Variants in ABCB5 observed in about 807,000 individuals in gnomAD.
ABCB5 encodes the protein ATP binding cassette subfamily B member 5, also known as ATP-binding cassette sub-family B member 5.
ABCB5 carries 155 observed loss-of-function variants against 144.2 expected under a neutral mutation model. That is an observed-to-expected ratio of 1.08 (90% CI 0.94 to 1.23). ABCB5 has a LOEUF of 1.23. Ranked by LOEUF, ABCB5 falls within the 50% of genes most tolerant of loss-of-function variation. ABCB5 has a pLI of 0.00. For missense variants in ABCB5, 1,830 were observed against 1,520.8 expected, an observed-to-expected ratio of 1.20 and a Z score of -3.38; for synonymous variants, 610 against 528.6, an observed-to-expected ratio of 1.15 and a Z score of -2.11.
intron 16 of ABCB5, among the ~76,000 whole-genome samples, chr7:20,690,308 T>C (rs12700229): frequency 0.62 from 94,974 of 152,102 alleles, 30,319 homozygotes; most frequent in South Asian, 0.74. Flanking sequence ...TCATCATTAT[T>C]ATATCTTATG....
chr7:20,620,592 T>C (rs1783787960), intron 1 of ABCB5, among the ~76,000 whole-genome samples: 2 of 151,560 alleles, frequency 1.3e-5, no homozygotes, highest in East Asian at 3.8e-4. Context: ...CAGATTTGAA[T>C]AGACATTTCT....
intron 5 of ABCB5, among the ~76,000 whole-genome samples, chr7:20,637,381 A>G (rs187175453): frequency 6.6e-5 from 10 of 151,912 alleles, no homozygotes; most frequent in Admixed American, 6.6e-4. Flanking sequence ...GCTGGTCAAT[A>G]TGATGCCTCC....
At chr7:20,718,625 G>A (rs1562577351) in intron 20 of ABCB5, among the ~76,000 whole-genome samples, 1 of 152,122 alleles carries the variant, frequency 6.6e-6, no homozygotes, top group Non-Finnish European at 1.5e-5. Context: ...GGGGAGGGAG[G>A]ATTTGTTATG....
chr7:20,656,767 A>G (rs1022350029), intron 13 of ABCB5, among the ~76,000 whole-genome samples: 2 of 152,198 alleles, frequency 1.3e-5, no homozygotes, highest in Non-Finnish European at 2.9e-5. Flanking sequence ...TTCAAAATAA[A>G]TGAAAACATG....
intron 14 of ABCB5, among the ~76,000 whole-genome samples, chr7:20,662,232 T>G (rs991439784): frequency 2.0e-5 from 3 of 152,214 alleles, no homozygotes; most frequent in African/African-American, 7.2e-5. Flanking sequence ...ACAATATTAT[T>G]CTTTGAAAAC....
chr7:20,717,215 G>A (rs901318570), intron 20 of ABCB5, among the ~76,000 whole-genome samples: 2 of 152,160 alleles, frequency 1.3e-5, no homozygotes, highest in Non-Finnish European at 2.9e-5. Context: ...AGCAAGGACA[G>A]TGTGTTAGTC....
intron 20 of ABCB5, among the ~76,000 whole-genome samples, chr7:20,720,627 A>C (rs1781829010): frequency 2.6e-5 from 4 of 152,188 alleles, no homozygotes; most frequent in African/African-American, 9.7e-5. Context: ...GATCTTCAAA[A>C]AAGTCAAGGT....
Position 20,739,147 on chromosome 7 carries a change from C to G in ABCB5, c.3024+8C>G, listed in dbSNP as rs1172665874. Reference sequence around the variant, plus strand: ...CAAGAAGGGAAAAAGCCAGTAAGCACAACTGTGATCTTAAATGTCCAAATA... The same window carrying G: ...CAAGAAGGGAAAAAGCCAGTAAGCAGAACTGTGATCTTAAATGTCCAAATA... On this transcript the variant is annotated splice_region_variant and intron_variant, in intron 24 of 27. Transcript: ENST00000404938. The G allele has an allele frequency of 1.3e-6, 2 of 1,581,774 alleles. No individual in the cohort carries two copies. The highest frequency in any genetic ancestry group is 1.1e-5 in the South Asian group (1 of 87,024).
At chr7:20,725,658 A>C (rs1299888147) in intron 21 of ABCB5, among the ~76,000 whole-genome samples, 1 of 152,144 alleles carries the variant, frequency 6.6e-6, no homozygotes, top group Non-Finnish European at 1.5e-5. Flanking sequence ...AATAATATTC[A>C]TCCCTTCTCC....
chr7:20,639,660 G>A (rs1276892378), intron 5 of ABCB5, among the ~76,000 whole-genome samples: 2 of 152,178 alleles, frequency 1.3e-5, no homozygotes, highest in African/African-American at 4.8e-5. Flanking sequence ...GCCAATAAAT[G>A]TAGGAGTCCG....
At chr7:20,737,908 C>A (rs1265873664) in intron 23 of ABCB5, among the ~76,000 whole-genome samples, 2 of 152,200 alleles carry the variant, frequency 1.3e-5, no homozygotes, top group East Asian at 3.9e-4. Flanking sequence ...AACTAAATAA[C>A]AATTATTTTA....
intron 22 of ABCB5, among the ~76,000 whole-genome samples, chr7:20,727,994 C>T (rs550790989): frequency 6.6e-6 from 1 of 152,158 alleles, no homozygotes; most frequent in African/African-American, 2.4e-5. Flanking sequence ...CTTCTAAATA[C>T]CTAAACCAAA....
chr7:20,653,804 G>T (rs1784680188), intron 13 of ABCB5, among the ~76,000 whole-genome samples: 1 of 152,230 alleles, frequency 6.6e-6, no homozygotes, highest in Non-Finnish European at 1.5e-5. Context: ...GCTCACCAGA[G>T]AGTGGCAGCC....
chr7:20,645,016 T>C (rs1481084722), intron 7 of ABCB5, among the ~76,000 whole-genome samples: 1 of 151,908 alleles, frequency 6.6e-6, no homozygotes, highest in Non-Finnish European at 1.5e-5. Flanking sequence ...AAATGAGGAG[T>C]TGTAAAGGAA....
intron 1 of ABCB5, among the ~76,000 whole-genome samples, chr7:20,616,328 G>A (rs117519129): frequency 1.3e-5 from 2 of 152,054 alleles, no homozygotes; most frequent in Non-Finnish European, 2.9e-5. Flanking sequence ...GAGCCACTGC[G>A]CCCAGCCATA....
intron 1 of ABCB5, among the ~76,000 whole-genome samples, chr7:20,622,538 T>G (rs190964835): frequency 4.2e-4 from 64 of 152,250 alleles, no homozygotes; most frequent in African/African-American, 1.4e-3. Context: ...CTTTAAAGTT[T>G]AAAGCCATAT....
chr7:20,648,239 G>A (rs1309942603), intron 11 of ABCB5, among the ~76,000 whole-genome samples, 161 bp downstream of exon 11: 1 of 152,096 alleles, frequency 6.6e-6, no homozygotes, highest in Non-Finnish European at 1.5e-5. Flanking sequence ...AAATAACTCT[G>A]GATCAACTAG....
chr7:20,716,265 G>C (rs1274038957), intron 20 of ABCB5, among the ~76,000 whole-genome samples: 3 of 151,748 alleles, frequency 2.0e-5, no homozygotes, highest in Admixed American at 1.3e-4. Context: ...CATGTATCAA[G>C]GTCTACAAAA....
At chr7:20,700,216 AT>A (rs1786572895) in intron 19 of ABCB5, 81 bp downstream of exon 19, 13 of 1,204,636 alleles carry the variant, frequency 1.1e-5, no homozygotes, top group Non-Finnish European at 1.5e-5. Context: ...TCTCAAGTCA[AT>A]TTTTGACATA....
Sources: gnomAD v4.1 joint callset for allele counts (sites outside exome capture counted in the v4.1 genomes callset) on GRCh38, gnomAD v4.1.1 for gene constraint, MANE v1.5 for transcripts, NCBI Gene and HGNC (gene_info 2026-07-23, HGNC 2026-07-21) for gene names.